FAM185A: variants seen among roughly 807,000 people sequenced by gnomAD.
FAM185A encodes the protein family with sequence similarity 185 member A.
FAM185A carries 21 observed loss-of-function variants against 45.7 expected under a neutral mutation model. That is an observed-to-expected ratio of 0.46 (90% CI 0.33 to 0.66). The LOEUF (loss-of-function observed/expected upper bound fraction) is 0.66. Ranked by LOEUF, FAM185A falls within the 30% of genes least tolerant of loss-of-function variation. The pLI is 0.03. For missense variants in FAM185A, 305 were observed against 485.4 expected (o/e 0.63, Z 3.49); for synonymous variants, 117 against 194.0 (o/e 0.60, Z 3.30).
At chr7:102,836,314 C>T in the FAM185A span, among the ~76,000 whole-genome samples, 3 of 152,274 alleles carry the variant, frequency 2.0e-5, no homozygotes, top group East Asian at 1.9e-4. Flanking sequence ...GGCAGATTGG[C>T]GAACTAAAGT....
Position 102,808,410 on chromosome 7 carries a change from T to G in FAM185A, c.*8T>G. 1 of 1,437,012 alleles carries G rather than the reference T, an allele frequency of 7.0e-7. No homozygotes were observed. The highest frequency in any genetic ancestry group is 2.0e-5 in the Admixed American group (1 of 50,372). The allele number at this position is 1,437,012 out of a possible 1,614,324, so 89.0% of individuals were successfully genotyped here. A position where few individuals can be genotyped will look rare whatever the true frequency, so the allele number is the denominator to read the frequency against. ...CTGAAACTGCAGGACTAAAACTGAT[T>G]TGAGTTGGATTTATGATTTTTAACA... On this transcript the variant is annotated 3_prime_UTR_variant, in exon 8 of 8. Transcript: ENST00000413034.
rs1796950917 is a variant in FAM185A at position 102,803,983 on chromosome 7, G to A, written c.1067-4307G>A. ...TAGGAATATACCTAGCCAAGGAGGT[G>A]AAAGACCTCTACAAGGAAAACTACA... On this transcript the variant is annotated intron_variant, in intron 7 of 7. Coordinates refer to ENST00000413034, the MANE Select transcript of FAM185A (RefSeq NM_001145268.2). Among the ~76,000 whole-genome samples, 3 of 152,152 alleles carry A rather than the reference G, an allele frequency of 2.0e-5. No homozygotes were observed. The South Asian group carries it at 6.2e-4, about 32-fold the overall frequency.
intron 4 of FAM185A, among the ~76,000 whole-genome samples, chr7:102,765,482 AT>A (rs1584292194): frequency 6.7e-6 from 1 of 150,266 alleles, no homozygotes; most frequent in African/African-American, 2.4e-5. Context: ...CATTTTCAAT[AT>A]TTTTATATAC....
the FAM185A span, chr7:102,832,974 C>T: frequency 6.2e-7 from 1 of 1,613,662 alleles, no homozygotes; most frequent in African/African-American, 1.3e-5. Flanking sequence ...TTGCAGAATG[C>T]CTGCAAAAAA....
intron 7 of FAM185A, among the ~76,000 whole-genome samples, chr7:102,804,346 T>C (rs1438203451): frequency 6.6e-6 from 1 of 152,152 alleles, no homozygotes; most frequent in Non-Finnish European, 1.5e-5. Context: ...CATAGACCAA[T>C]GGAACAGATT....
intron 7 of FAM185A, among the ~76,000 whole-genome samples, chr7:102,803,469 C>T (rs1796917912): frequency 2.0e-5 from 3 of 152,154 alleles, no homozygotes; most frequent in South Asian, 4.1e-4. Flanking sequence ...AAGCATTAGA[C>T]AAAATCCAGC....
chr7:102,835,603 G>GTT, the FAM185A span, among the ~76,000 whole-genome samples: 3,594 of 97,376 alleles, frequency 0.037, 305 homozygotes, highest in Non-Finnish European at 0.04. Context: ...AGGTGACATT[G>GTT]TTTTTTTTTT....
At chr7:102,814,574 C>G in the FAM185A span, among the ~76,000 whole-genome samples, 3,756 of 152,310 alleles carry the variant, frequency 0.025, 166 homozygotes, top group African/African-American at 0.086. Flanking sequence ...CCAAAGCATT[C>G]CTAATTCTGC....
chr7:102,845,563 T>C, the FAM185A span, among the ~76,000 whole-genome samples: 1 of 152,198 alleles, frequency 6.6e-6, no homozygotes, highest in Non-Finnish European at 1.5e-5. Flanking sequence ...CCAAGTCAGA[T>C]GCATGGACAT....
rs1793368810 is a variant in FAM185A at position 102,751,645 on chromosome 7, C to A, written c.452-47C>A. 3.3e-6 allele frequency: 5 copies of A among 1,506,960 alleles called. No homozygotes were observed. In the African/African-American group the frequency reaches 4.3e-5, roughly 13 times the overall value. 93.3% of individuals were successfully genotyped at this position (1,506,960 alleles called of 1,614,324 possible). A position where few individuals can be genotyped will look rare whatever the true frequency, so the allele number is the denominator to read the frequency against. On this transcript the variant is annotated intron_variant, in intron 1 of 7. Coordinates refer to ENST00000413034, the MANE Select transcript of FAM185A (RefSeq NM_001145268.2). The stretch of plus-strand genomic sequence containing the variant: ...GTTTCTAGGTTAAAATGCTTTGGAG[C>A]TTATAAACTGCAGTACTAACTTGCT...
intron 4 of FAM185A, among the ~76,000 whole-genome samples, chr7:102,766,684 T>C (rs1229805114): frequency 6.6e-6 from 1 of 152,108 alleles, no homozygotes; most frequent in Non-Finnish European, 1.5e-5. Context: ...TTATTGAAAT[T>C]CTAGTATTTA....
the FAM185A span, among the ~76,000 whole-genome samples, chr7:102,816,760 A>G: frequency 1.1e-4 from 17 of 152,308 alleles, no homozygotes; most frequent in East Asian, 3.1e-3. Flanking sequence ...AACCCTCGCC[A>G]TCCTCCCTGC....
At chr7:102,796,710 C>T (rs570773173) in intron 7 of FAM185A, among the ~76,000 whole-genome samples, 1 of 152,170 alleles carries the variant, frequency 6.6e-6, no homozygotes, top group Non-Finnish European at 1.5e-5. Context: ...CAAAAAAACC[C>T]ATGAGTTATA....
chr7:102,766,336 T>C (rs1338099033), intron 4 of FAM185A, among the ~76,000 whole-genome samples: 1 of 152,274 alleles, frequency 6.6e-6, no homozygotes, highest in African/African-American at 2.4e-5. Context: ...GATAAATTGC[T>C]GAGTATTAGT....
chr7:102,814,331 T>C, the FAM185A span: 1 of 152,180 alleles, frequency 6.6e-6, no homozygotes. Flanking sequence ...TGCCGTATGT[T>C]ACCTTGAGTT....
At chr7:102,828,730 G>T in the FAM185A span, among the ~76,000 whole-genome samples, 1 of 152,066 alleles carries the variant, frequency 6.6e-6, no homozygotes, top group Non-Finnish European at 1.5e-5. Flanking sequence ...GAACTTTTTG[G>T]GTAAAATGTT....
At chr7:102,753,911 C>T (rs2539366) in intron 2 of FAM185A, among the ~76,000 whole-genome samples, 1 of 150,680 alleles carries the variant, frequency 6.6e-6, no homozygotes, top group African/African-American at 2.4e-5. Flanking sequence ...CAAGAAATAA[C>T]AGAAATCATG....
At chr7:102,783,062 C>T (rs2129440121) in intron 6 of FAM185A, among the ~76,000 whole-genome samples, 1 of 152,138 alleles carries the variant, frequency 6.6e-6, no homozygotes, top group South Asian at 2.1e-4. Flanking sequence ...AAGGCCATTA[C>T]ATAATGGTAA....
the FAM185A span, among the ~76,000 whole-genome samples, chr7:102,842,085 G>C: frequency 6.6e-6 from 1 of 152,154 alleles, no homozygotes; most frequent in African/African-American, 2.4e-5. Flanking sequence ...TGGAGTATTG[G>C]ATGAGAAGAG....
Sources: gnomAD v4.1 joint callset for allele counts (sites outside exome capture counted in the v4.1 genomes callset) on GRCh38, gnomAD v4.1.1 for gene constraint, MANE v1.5 for transcripts, NCBI Gene and HGNC (gene_info 2026-07-23, HGNC 2026-07-21) for gene names.